The following AOAH variants were observed in gnomAD, a reference collection of about 807,000 sequenced individuals.
AOAH encodes the protein acyloxyacyl hydrolase, also known as acyloxyacyl hydrolase (neutrophil).
A neutral mutation model predicts 92.2 loss-of-function variants in AOAH; 64 were observed. That is an observed-to-expected ratio of 0.69 (90% CI 0.57 to 0.86). AOAH has a LOEUF of 0.86. Among genes scored for constraint, AOAH ranks in the 40% least tolerant of loss-of-function variants. AOAH has a pLI of 0.00. For missense variants in AOAH, 656 were observed against 694.6 expected, an observed-to-expected ratio of 0.94 and a Z score of 0.62; for synonymous variants, 263 against 254.5, an observed-to-expected ratio of 1.03 and a Z score of -0.32.
chr7:36,546,010 G>A (rs904747307), intron 15 of AOAH, among the ~76,000 whole-genome samples: 14 of 152,242 alleles, frequency 9.2e-5, no homozygotes, highest in African/African-American at 1.7e-4. Context: ...TAGGAAAAGC[G>A]CAAAGGAAGC....
At chr7:36,640,701 G>T (rs1378122877) in intron 4 of AOAH, among the ~76,000 whole-genome samples, 1 of 152,176 alleles carries the variant, frequency 6.6e-6, no homozygotes, top group African/African-American at 2.4e-5. Context: ...TCCTGCAGCT[G>T]CCTTTGCAGG....
chr7:36,519,901 T>C (rs1361786947), intron 20 of AOAH, among the ~76,000 whole-genome samples: 1 of 152,244 alleles, frequency 6.6e-6, no homozygotes, highest in Non-Finnish European at 1.5e-5. Context: ...TTGTTCACTC[T>C]TGAATTCTCA....
In AOAH at chr7:36,538,097, G is replaced by T. The variant is rs369885472; in HGVS notation, c.1306+2222C>A. On this transcript the variant is annotated intron_variant, in intron 16 of 20. Coordinates refer to ENST00000617537, the MANE Select transcript of AOAH (RefSeq NM_001637.4). ...GGCTGGAGTGCAATGGTGCGATCTC[G>T]GCTCACTGCAACCTCTGCCTCCTGG... Among the ~76,000 whole-genome samples, 46 of 147,768 alleles carry T rather than the reference G, an allele frequency of 3.1e-4. No individual in the cohort carries two copies. The East Asian group carries it at 4.3e-3, about 14-fold the overall frequency.
At chr7:36,534,012 C>G (rs1251801428) in intron 16 of AOAH, among the ~76,000 whole-genome samples, 1 of 152,140 alleles carries the variant, frequency 6.6e-6, no homozygotes, top group African/African-American at 2.4e-5. Context: ...GTGTCCCCTC[C>G]CCCTGAGGGG....
At chr7:36,610,988 G>T (rs748406308) in intron 11 of AOAH, among the ~76,000 whole-genome samples, 1 of 152,198 alleles carries the variant, frequency 6.6e-6, no homozygotes. Flanking sequence ...GAGAAGAAAT[G>T]ATGGTTGTTT....
Position 36,639,612 on chromosome 7 carries a change from A to C in AOAH, c.391-1702T>G, listed in dbSNP as rs1362215476. Among the ~76,000 whole-genome samples, 9 of 152,232 alleles carry C rather than the reference A, an allele frequency of 5.9e-5. No homozygotes were observed. The East Asian group carries it at 1.7e-3, about 29-fold the overall frequency. ...TATGTTATAATAATGATGGGTGATA[A>C]CTTTTTCCTTTTTGCCTTTTTCTGG... On this transcript the variant is annotated intron_variant, in intron 4 of 20. Transcript: ENST00000617537.
intron 9 of AOAH, among the ~76,000 whole-genome samples, chr7:36,619,936 C>T (rs1792161753): frequency 6.6e-6 from 1 of 152,072 alleles, no homozygotes; most frequent in Non-Finnish European, 1.5e-5. Flanking sequence ...GAATCTTAAG[C>T]TTCAGGGCCC....
chr7:36,659,132 T>C lies in AOAH; in HGVS notation c.390+34A>G. ...CATTTCCAAAAGCCTTGCATGTCCCTGGAAACAGATGTTCAGAGTGATTAC... is the reference window on the plus strand; with the variant it reads ...CATTTCCAAAAGCCTTGCATGTCCCCGGAAACAGATGTTCAGAGTGATTAC... On this transcript the variant is annotated intron_variant, in intron 4 of 20. Coordinates refer to ENST00000617537, the MANE Select transcript of AOAH (RefSeq NM_001637.4). 3 of 1,554,084 alleles carry C rather than the reference T, an allele frequency of 1.9e-6. No individual in the cohort carries two copies. In the South Asian group the frequency reaches 3.3e-5, roughly 17 times the overall value.
intron 11 of AOAH, among the ~76,000 whole-genome samples, chr7:36,603,512 G>A (rs1307754645): frequency 6.6e-6 from 1 of 152,166 alleles, no homozygotes; most frequent in Non-Finnish European, 1.5e-5. Flanking sequence ...CTAGCTGACT[G>A]CACCTAACCC....
intron 11 of AOAH, among the ~76,000 whole-genome samples, chr7:36,611,742 A>G (rs1289036421): frequency 6.6e-6 from 1 of 152,044 alleles, no homozygotes; most frequent in African/African-American, 2.4e-5. Context: ...AACGATCACC[A>G]CTGCACTGCC....
At position 36,516,134 on chromosome 7, in the gene AOAH, TACACCACACACATCTCACACACAC is replaced by T. The variant is rs1171034696; in HGVS notation, c.1600-2778_1600-2755del. ...ACATCACACACACACCACACACAGA[TACACCACACACATCTCACACACAC>T]ACACCACACACCCCATACCACACAT... On this transcript the variant is annotated intron_variant, in intron 20 of 20. Transcript: ENST00000617537. The surrounding 1 kb of genome is among the most constrained non-coding windows in gnomAD (Gnocchi z 5.0). 1.7e-5 allele frequency among the ~76,000 whole-genome samples: 2 copies of T among 120,644 alleles called. No homozygotes were observed. The highest frequency in any genetic ancestry group is 3.5e-5 in the Non-Finnish European group (2 of 57,174). The allele number at this position is 120,644 out of a possible 152,430, so 79.1% of individuals were successfully genotyped here. A position where few individuals can be genotyped will look rare whatever the true frequency, so the allele number is the denominator to read the frequency against.
chr7:36,673,988 G>C lies in AOAH; in HGVS notation c.245C>G (p.Thr82Ser). Residue 82 changes from threonine to serine, a missense_variant, in exon 3 of 21, where the codon ACC becomes AGC. Physicochemically the swap from Thr to Ser is moderately conservative, Grantham distance 58 (BLOSUM62 1). Coordinates refer to ENST00000617537, the MANE Select transcript of AOAH (RefSeq NM_001637.4). ...YLPEKLFLKT[T>S]CYLVIDKFGS... Reference sequence around the variant, plus strand: ...AAACTTGTCAATGACTAAATAGCAGGTGGTTTTCAAGAACAGTTTTTCTAA... The same window carrying C: ...AAACTTGTCAATGACTAAATAGCAGCTGGTTTTCAAGAACAGTTTTTCTAA... 6.2e-7 allele frequency: 1 copy of C among 1,609,980 alleles called. No individual in the cohort carries two copies. The highest frequency in any genetic ancestry group is 1.7e-4 in the Middle Eastern group (1 of 6,054).
chr7:36,623,385 A>C (rs1583970693), intron 6 of AOAH, 135 bp from the exon 7 acceptor site: 1 of 753,588 alleles, frequency 1.3e-6, no homozygotes, highest in East Asian at 2.7e-5. Context: ...ACAGAAAATT[A>C]AGATCCTGTG....
At chr7:36,572,492 C>T (rs1485371622) in intron 13 of AOAH, among the ~76,000 whole-genome samples, 1 of 150,764 alleles carries the variant, frequency 6.6e-6, no homozygotes, top group African/African-American at 2.4e-5. Context: ...CACTGTGCTC[C>T]AGCCTGAGTG....
chr7:36,610,759 C>T (rs1226473592), intron 11 of AOAH, among the ~76,000 whole-genome samples: 1 of 152,324 alleles, frequency 6.6e-6, no homozygotes. Flanking sequence ...ATTGTGGTCA[C>T]ATGACTGGCT....
rs70977159 is a variant in AOAH at position 36,517,597 on chromosome 7, C to CTT, written c.1600-4219_1600-4218dup. Among the ~76,000 whole-genome samples, 687 of 89,576 alleles carry CTT rather than the reference C, an allele frequency of 7.7e-3. 21 individuals are homozygous for CTT. Among genetic ancestry groups the CTT allele is most frequent in the Middle Eastern group, 0.012 (1 of 82 alleles). The allele number at this position is 89,576 out of a possible 152,430, so 58.8% of individuals were successfully genotyped here. A position where few individuals can be genotyped will look rare whatever the true frequency, so the allele number is the denominator to read the frequency against. On this transcript the variant is annotated intron_variant, in intron 20 of 20. Coordinates refer to ENST00000617537, the MANE Select transcript of AOAH (RefSeq NM_001637.4). ...GTGTAGAGCCTTTCTGACTTTATATCTTTTTTTTTTTTTTTTTTTTTGAGA... is the reference window on the plus strand; with the variant it reads ...GTGTAGAGCCTTTCTGACTTTATATCTTTTTTTTTTTTTTTTTTTTTTTGAGA...
At chr7:36,636,741 A>G (rs1793551158) in intron 5 of AOAH, among the ~76,000 whole-genome samples, 1 of 152,248 alleles carries the variant, frequency 6.6e-6, no homozygotes, top group South Asian at 2.1e-4. Flanking sequence ...CCATGAGCAG[A>G]GTTGCCAGAT....
intron 4 of AOAH, among the ~76,000 whole-genome samples, chr7:36,639,080 A>G (rs1793718895): frequency 6.6e-6 from 1 of 152,258 alleles, no homozygotes. Context: ...GCAGTAGGCC[A>G]AAAGAGCTGA....
intron 13 of AOAH, among the ~76,000 whole-genome samples, chr7:36,559,212 T>C (rs911435045): frequency 6.6e-6 from 1 of 152,268 alleles, no homozygotes; most frequent in African/African-American, 2.4e-5. Flanking sequence ...GATGAATATA[T>C]GGGTACATAT....
Sources: allele counts gnomAD v4.1 joint callset (sites outside exome capture counted in the v4.1 genomes callset), GRCh38; gene constraint gnomAD v4.1.1; non-coding constraint Gnocchi (gnomAD v3.1); transcripts MANE v1.5; gene names NCBI Gene and HGNC (gene_info 2026-07-23, HGNC 2026-07-21).